Variants in PDZRN3 observed in about 807,000 individuals in gnomAD.
The protein encoded by PDZRN3 is PDZ domain containing ring finger 3, also known as E3 ubiquitin-protein ligase PDZRN3.
A neutral mutation model predicts 85.7 loss-of-function variants in PDZRN3; 38 were observed. The observed-to-expected ratio is 0.44, with a 90% CI of 0.34 to 0.58. The LOEUF is 0.58. PDZRN3 is among the 20% of genes least tolerant of loss of function. The pLI, the probability that PDZRN3 is intolerant of heterozygous loss-of-function variation, is 0.01. For synonymous variants in PDZRN3, 759 were observed against 638.0 expected, an observed-to-expected ratio of 1.19 and a Z score of -2.86; for missense variants, 1,629 against 1,506.4, an observed-to-expected ratio of 1.08 and a Z score of -1.35.
chr3:73,492,980 C>G (rs1052074896), intron 3 of PDZRN3, among the ~76,000 whole-genome samples: 6 of 89,078 alleles, frequency 6.7e-5, no homozygotes, highest in African/African-American at 2.1e-4. Flanking sequence ...GAAGGCTTTT[C>G]AACCTTTTTT....
intron 3 of PDZRN3, among the ~76,000 whole-genome samples, chr3:73,506,414 G>GA (rs1385673681): frequency 6.6e-6 from 1 of 151,966 alleles, no homozygotes; most frequent in Non-Finnish European, 1.5e-5. Flanking sequence ...ACATCAATAA[G>GA]AAAAAAGATA....
chr3:73,603,997 A>G (rs1387659384), intron 2 of PDZRN3, among the ~76,000 whole-genome samples: 5 of 152,014 alleles, frequency 3.3e-5, no homozygotes, highest in Admixed American at 6.5e-5. Flanking sequence ...TTATCCCCAC[A>G]TGACAAAGAT....
chr3:73,482,783 G>T (rs1703590779), intron 3 of PDZRN3, among the ~76,000 whole-genome samples: 1 of 152,164 alleles, frequency 6.6e-6, no homozygotes, highest in Non-Finnish European at 1.5e-5. Flanking sequence ...TAGTGACACA[G>T]AATTTATGGG....
chr3:73,529,480 C>T (rs1327905361), intron 3 of PDZRN3, among the ~76,000 whole-genome samples: 2 of 152,234 alleles, frequency 1.3e-5, no homozygotes, highest in African/African-American at 2.4e-5. Context: ...ACAGTGAGAA[C>T]GTTTGCACTG....
chr3:73,479,818 T>C (rs568369585), intron 3 of PDZRN3, among the ~76,000 whole-genome samples: 1 of 151,876 alleles, frequency 6.6e-6, no homozygotes, highest in South Asian at 2.1e-4. Context: ...AAAAGAAAAA[T>C]ATGATTCATA....
chr3:73,602,984 C>T (rs950991553), intron 2 of PDZRN3, among the ~76,000 whole-genome samples: 3 of 152,152 alleles, frequency 2.0e-5, no homozygotes, highest in South Asian at 4.1e-4. Context: ...ATAATACTCT[C>T]CTACTTGTAT....
At chr3:73,396,545 T>C (rs1701641216) in intron 5 of PDZRN3, among the ~76,000 whole-genome samples, 1 of 152,196 alleles carries the variant, frequency 6.6e-6, no homozygotes, top group African/African-American at 2.4e-5. Flanking sequence ...TCCTGCATAA[T>C]CTCCAGGTCA....
At chr3:73,510,956 C>T (rs1420744139) in intron 3 of PDZRN3, among the ~76,000 whole-genome samples, 1 of 152,130 alleles carries the variant, frequency 6.6e-6, no homozygotes. Flanking sequence ...GCAGCTGAAA[C>T]CTTGGACAGA....
intron 3 of PDZRN3, among the ~76,000 whole-genome samples, chr3:73,580,952 A>G (rs888329664): frequency 3.3e-5 from 5 of 152,238 alleles, no homozygotes; most frequent in Non-Finnish European, 5.9e-5. Context: ...CCTTTGCTGT[A>G]TCCGGTTAAC....
At chr3:73,541,782 T>A (rs1446820544) in intron 3 of PDZRN3, among the ~76,000 whole-genome samples, 1 of 152,236 alleles carries the variant, frequency 6.6e-6, no homozygotes, top group Admixed American at 6.5e-5. Context: ...TCTAGTATTT[T>A]ACACTGTGGT....
rs140037400 is a variant in PDZRN3 at position 73,402,941 on chromosome 3, CTT to C, written c.1166+1205_1166+1206del. Among the ~76,000 whole-genome samples the C allele has an allele frequency of 9.9e-4, 114 of 115,626 alleles. 2 individuals carry two copies. The highest frequency in any genetic ancestry group is 3.9e-3 in the African/African-American group (104 of 26,746). The allele number at this position is 115,626 out of a possible 152,430, so 75.9% of individuals were successfully genotyped here. On this transcript the variant is annotated intron_variant, in intron 4 of 9. Coordinates refer to ENST00000263666, the MANE Select transcript of PDZRN3 (RefSeq NM_015009.3). ...GATGTGCAAAGTCACACATGAAAAG[CTT>C]TTTTTTTTTTTTTTTTTTGAGACGG...
At chr3:73,541,316 A>G (rs1487797650) in intron 3 of PDZRN3, among the ~76,000 whole-genome samples, 1 of 152,218 alleles carries the variant, frequency 6.6e-6, no homozygotes, top group African/African-American at 2.4e-5. Flanking sequence ...AATCTCCCCT[A>G]ATCTCACCAT....
At chr3:73,403,296 C>T (rs1039006345) in intron 4 of PDZRN3, among the ~76,000 whole-genome samples, 1 of 152,192 alleles carries the variant, frequency 6.6e-6, no homozygotes, top group African/African-American at 2.4e-5. Flanking sequence ...TGGGGGCCAG[C>T]AGTCTATCAC....
intron 3 of PDZRN3, among the ~76,000 whole-genome samples, chr3:73,494,933 A>G (rs1008387921): frequency 6.6e-6 from 1 of 152,232 alleles, no homozygotes. Flanking sequence ...AGAAAACCAA[A>G]TAATGCATAT....
chr3:73,510,738 AC>A (rs1414378730), intron 3 of PDZRN3, among the ~76,000 whole-genome samples: 1 of 152,194 alleles, frequency 6.6e-6, no homozygotes, highest in Non-Finnish European at 1.5e-5. Context: ...CACAGATGGT[AC>A]CTAACCCTAC....
At position 73,620,584 on chromosome 3, in the gene PDZRN3, T is replaced by TTG. The variant is rs1314036936; in HGVS notation, c.723+3518_723+3519insCA. Among the ~76,000 whole-genome samples the TTG allele has an allele frequency of 1.0e-3, 152 of 151,118 alleles. 2 individuals are homozygous for TTG. Among genetic ancestry groups the TTG allele is most frequent in the Middle Eastern group, 6.8e-3 (2 of 294 alleles). ...CTAGGCAGTCTGGGTTTTTTTTGTT[T>TTG]TTTTTTTTTTGAGACGGAGTCTTGC... On this transcript the variant is annotated intron_variant, in intron 1 of 9. Transcript: ENST00000263666.
chr3:73,531,904 C>G (rs1704665294), intron 3 of PDZRN3, among the ~76,000 whole-genome samples: 1 of 152,144 alleles, frequency 6.6e-6, no homozygotes. Flanking sequence ...GATAGCTGGC[C>G]CTGTGGGGAC....
In PDZRN3 at chr3:73,624,347, T is replaced by C; in HGVS notation, c.479A>G (p.His160Arg). 1.5e-6 allele frequency: 2 copies of C among 1,302,448 alleles called. No homozygotes were observed. Among genetic ancestry groups the C allele is most frequent in the Non-Finnish European group, 1.9e-6 (2 of 1,032,770 alleles). The allele number at this position is 1,302,448 out of a possible 1,614,324, so 80.7% of individuals were successfully genotyped here. A position where few individuals can be genotyped will look rare whatever the true frequency, so the allele number is the denominator to read the frequency against. ...CGCCCGCAGCGCTCGCGCGCAGCAG[T>C]GGCCGCCCGCGCGCTGCTCGCCGTG... ...LTHGEQRAGG[H>R]CCARALRAHN... Residue 160 changes from histidine (H) to arginine (R), a missense_variant, in exon 1 of 10, where the codon CAC becomes CGC. By Grantham distance (29) the His-to-Arg change is conservative. Coordinates refer to ENST00000263666, the MANE Select transcript of PDZRN3 (RefSeq NM_015009.3).
Position 73,384,370 on chromosome 3 carries a change from G to A in PDZRN3, c.2196C>T (p.Ser732=). Residue 732 remains serine (S), a synonymous_variant, in exon 10 of 10, where the codon AGC becomes AGT. Coordinates refer to ENST00000263666, the MANE Select transcript of PDZRN3 (RefSeq NM_015009.3). The stretch of plus-strand genomic sequence containing the variant: ...AGAGCTCGTGTCTGCGCACGTCGAT[G>A]CTGGTGTTGTAGTTGCGGAAGCCGC... ...HNSGFRNYNT[S]IDVRRHELSD... 1 of 1,609,540 alleles carries A rather than the reference G, an allele frequency of 6.2e-7. No individual in the cohort carries two copies. Among genetic ancestry groups the A allele is most frequent in the Non-Finnish European group, 8.5e-7 (1 of 1,179,932 alleles).
Sources: allele counts gnomAD v4.1 joint callset (sites outside exome capture counted in the v4.1 genomes callset), GRCh38; gene constraint gnomAD v4.1.1; transcripts MANE v1.5; gene names NCBI Gene and HGNC (gene_info 2026-07-23, HGNC 2026-07-21).